The following ITGAD variants were observed in gnomAD, a reference collection of about 807,000 sequenced individuals.
The protein encoded by ITGAD is integrin alpha-D.
Under a neutral mutation model 139.0 loss-of-function variants are expected in ITGAD, and 105 were observed. The ratio of observed to expected loss-of-function variants is 0.76; its 90% CI spans 0.65 to 0.89. ITGAD has a LOEUF of 0.89. Ranked by LOEUF, ITGAD falls within the 40% of genes least tolerant of loss-of-function variation. The pLI is 0.00. For missense variants in ITGAD, 1,384 were observed against 1,487.3 expected (o/e 0.93, Z 1.14); for synonymous variants, 569 against 598.3 (o/e 0.95, Z 0.71).
chr16:31,420,441 A>C (rs1470743578), intron 23 of ITGAD, among the ~76,000 whole-genome samples: 1 of 151,882 alleles, frequency 6.6e-6, no homozygotes, highest in African/African-American at 2.4e-5. Context: ...TCTTTCACCC[A>C]GGCTGGAGTT....
At chr16:31,419,217 T>A (rs2081961716) in intron 23 of ITGAD, among the ~76,000 whole-genome samples, 1 of 150,742 alleles carries the variant, frequency 6.6e-6, no homozygotes, top group Non-Finnish European at 1.5e-5. Context: ...AAAAAAGGTG[T>A]TTTTGTCAAC....
At position 31,423,665 on chromosome 16, in the gene ITGAD, A is replaced by ACCCCCACCGCCAAGATCAG. The variant is rs375579439; in HGVS notation, c.3045+27_3045+45dup. 1.1e-5 allele frequency: 17 copies of ACCCCCACCGCCAAGATCAG among 1,607,788 alleles called. No homozygotes were observed. In the African/African-American group the frequency reaches 2.1e-4, roughly 20 times the overall value. On this transcript the variant is annotated intron_variant, in intron 26 of 29. Transcript: ENST00000389202. ...CCCATGCTGGTGAGAAAGTCCCTGA[A>ACCCCCACCGCCAAGATCAG]CCCCCACCGCCAAGATCAGCCCCCA...
At chr16:31,406,892 G>C (rs2081553806) in intron 7 of ITGAD, among the ~76,000 whole-genome samples, 1 of 152,226 alleles carries the variant, frequency 6.6e-6, no homozygotes, top group Admixed American at 6.5e-5. Flanking sequence ...GAGAAAGGCA[G>C]AGGCCCGGAG....
intron 20 of ITGAD, 101 bp from the exon 21 acceptor site, chr16:31,417,974 A>G: frequency 1.1e-6 from 1 of 895,078 alleles, no homozygotes; most frequent in Non-Finnish European, 1.8e-6. Flanking sequence ...AAAAAAGAAA[A>G]GTCTGTCATT....
In ITGAD at chr16:31,411,496, C is replaced by T; in HGVS notation, c.1686C>T (p.Gly562=). The change falls in exon 14 of 30, where the codon GGC becomes GGT. Residue 562 remains glycine, a synonymous_variant. Coordinates refer to ENST00000389202, the MANE Select transcript of ITGAD (RefSeq NM_005353.3). ...TGTTTCACGGAGCCTCAGAATCCGG[C>T]ATCAGCCCCTCCCACAGCCAGGTGA... is the stretch of plus-strand genomic sequence containing the variant. ...VYLFHGASES[G]ISPSHSQRIA... 6.2e-7 allele frequency: 1 copy of T among 1,614,122 alleles called. No homozygotes were observed. Among genetic ancestry groups the T allele is most frequent in the Non-Finnish European group, 8.5e-7 (1 of 1,179,996 alleles).
chr16:31,414,943 C>A lies in ITGAD; in HGVS notation c.2235C>A (p.Asn745Lys), dbSNP rs1410679767. The A allele has an allele frequency of 1.2e-6, 2 of 1,614,142 alleles. No homozygotes were observed. The highest frequency in any genetic ancestry group is 8.5e-7 in the Non-Finnish European group (1 of 1,180,028). The change falls in exon 18 of 30, where the codon AAC becomes AAA. Residue 745 changes from asparagine (N) to lysine (K), a missense_variant. Coordinates refer to ENST00000389202, the MANE Select transcript of ITGAD (RefSeq NM_005353.3). Reference protein sequence around the residue: ...LVREPIPSPQNLRPVLAVGSQ... With the variant: ...LVREPIPSPQKLRPVLAVGSQ... ...GAGAGCCCATCCCCTCCCCCCAGAA[C>A]CTGCGTCCTGTGCTGGCCGTGGGCT... is the stretch of plus-strand genomic sequence containing the variant.
At chr16:31,422,220 G>A (rs773418397) in intron 23 of ITGAD, among the ~76,000 whole-genome samples, 6 of 151,944 alleles carry the variant, frequency 3.9e-5, no homozygotes, top group Non-Finnish European at 8.8e-5. Flanking sequence ...GATTACAGGC[G>A]TGAGCCACCT....
At chr16:31,415,062 T>A in intron 18 of ITGAD, 71 bp downstream of exon 18, 1 of 1,562,376 alleles carries the variant, frequency 6.4e-7, no homozygotes, top group Non-Finnish European at 8.8e-7. Flanking sequence ...GAATCCACTG[T>A]AGCTCCCCAA....
chr16:31,423,908 G>A lies in ITGAD; in HGVS notation c.3109G>A (p.Glu1037Lys). The A allele has an allele frequency of 6.2e-7, 1 of 1,614,228 alleles. No individual in the cohort carries two copies. The change falls in exon 27 of 30, where the codon GAG (glutamate) becomes AAG (lysine). Residue 1037 changes from glutamate (E) to lysine (K), a missense_variant. Coordinates refer to ENST00000389202, the MANE Select transcript of ITGAD (RefSeq NM_005353.3). Reference sequence around the variant, plus strand: ...CGTCCCCTCCTTCAGCGTCCAGGAGGAGCTGGATTTCACCCTGAAGGGCAA... The same window carrying A: ...CGTCCCCTCCTTCAGCGTCCAGGAGAAGCTGGATTTCACCCTGAAGGGCAA... ...CDVPSFSVQE[E>K]LDFTLKGNLS...
chr16:31,396,445 C>T (rs1326967262), intron 2 of ITGAD, among the ~76,000 whole-genome samples: 1 of 152,192 alleles, frequency 6.6e-6, no homozygotes, highest in Non-Finnish European at 1.5e-5. Flanking sequence ...TGCACTCCAA[C>T]CTGGGTGACA....
chr16:31,415,979 C>T (rs538079447), intron 18 of ITGAD, among the ~76,000 whole-genome samples: 3 of 152,282 alleles, frequency 2.0e-5, no homozygotes, highest in East Asian at 1.9e-4. Context: ...ATAATTGTTC[C>T]AGGATAAGCT....
Position 31,412,958 on chromosome 16 carries a change from C to G in ITGAD, c.1828C>G (p.Leu610Val). The G allele has an allele frequency of 6.2e-7, 1 of 1,607,700 alleles. No individual in the cohort carries two copies. The highest frequency in any genetic ancestry group is 8.5e-7 in the Non-Finnish European group (1 of 1,176,902). ...DLAVGARGQV[L>V]LLRSLPVLKV... Reference sequence around the variant, plus strand: ...GGCCGTGGGGGCCCGGGGCCAGGTGCTCCTGCTCAGGTAGCGACTCCCCAA... The same window carrying G: ...GGCCGTGGGGGCCCGGGGCCAGGTGGTCCTGCTCAGGTAGCGACTCCCCAA... Residue 610 changes from leucine to valine, a missense_variant, in exon 15 of 30, where the codon CTC becomes GTC. Coordinates refer to ENST00000389202, the MANE Select transcript of ITGAD (RefSeq NM_005353.3).
intron 2 of ITGAD, among the ~76,000 whole-genome samples, chr16:31,395,778 AG>A (rs1034131045): frequency 1.3e-5 from 2 of 151,900 alleles, no homozygotes; most frequent in African/African-American, 4.8e-5. Flanking sequence ...CAGACCCAGG[AG>A]GGTTCCATGG....
At chr16:31,407,692 C>T in intron 8 of ITGAD, 24 bp downstream of exon 8, 1 of 1,613,708 alleles carries the variant, frequency 6.2e-7, no homozygotes, top group Non-Finnish European at 8.5e-7. Flanking sequence ...TCACCCCTGC[C>T]CCAGGCTCAG....
intron 4 of ITGAD, 35 bp downstream of exon 4, chr16:31,397,701 T>TGGGGGGGGGGGGGGGGGGGGGG: frequency 7.7e-6 from 2 of 259,004 alleles, no homozygotes; most frequent in East Asian, 8.8e-5. Flanking sequence ...GGGGGTGGGG[T>TGGGGGGGGGGGGGGGGGGGGGG]GGGGCGGGGG....
intron 16 of ITGAD, among the ~76,000 whole-genome samples, 163 bp downstream of exon 16, chr16:31,413,409 G>C (rs889707440): frequency 2.6e-5 from 4 of 152,014 alleles, no homozygotes; most frequent in Admixed American, 2.0e-4. Flanking sequence ...TCACACCTGG[G>C]CCTGTGGATT....
intron 2 of ITGAD, among the ~76,000 whole-genome samples, chr16:31,395,303 G>C (rs971745806): frequency 6.6e-6 from 1 of 152,008 alleles, no homozygotes; most frequent in African/African-American, 2.4e-5. Flanking sequence ...CTAGGTGACA[G>C]AGTGAGACTC....
intron 14 of ITGAD, among the ~76,000 whole-genome samples, chr16:31,412,148 C>A (rs2081738666): frequency 6.6e-6 from 1 of 151,458 alleles, no homozygotes; most frequent in Non-Finnish European, 1.5e-5. Flanking sequence ...TGGCTCACTG[C>A]AACCTCCCGA....
At chr16:31,425,913 T>G in intron 29 of ITGAD, 102 bp from the exon 30 acceptor site, 1 of 715,372 alleles carries the variant, frequency 1.4e-6, no homozygotes, top group East Asian at 2.8e-5. Flanking sequence ...GCTCCTGACC[T>G]CAGGTGATCC....
Sources: allele counts gnomAD v4.1 joint callset (sites outside exome capture counted in the v4.1 genomes callset), GRCh38; gene constraint gnomAD v4.1.1; transcripts MANE v1.5; gene names NCBI Gene and HGNC (gene_info 2026-07-23, HGNC 2026-07-21).